ECT2: variants seen among roughly 807,000 people sequenced by gnomAD.
ECT2 encodes epithelial cell transforming 2.
ECT2 carries 61 observed loss-of-function variants against 116.9 expected under a neutral mutation model. The ratio of observed to expected loss-of-function variants is 0.52; its 90% CI spans 0.42 to 0.65. The LOEUF (loss-of-function observed/expected upper bound fraction) is 0.65, where lower values mean the gene tolerates loss of function less well. Among genes scored for constraint, ECT2 ranks in the 30% least tolerant of loss-of-function variants. ECT2 has a pLI of 0.00. For synonymous variants in ECT2, 358 were observed against 346.4 expected, an observed-to-expected ratio of 1.03 and a Z score of -0.37; for missense variants, 937 against 1,078.7, an observed-to-expected ratio of 0.87 and a Z score of 1.84.
At chr3:172,776,661 G>C (rs1416982451) in intron 14 of ECT2, among the ~76,000 whole-genome samples, 2 of 152,134 alleles carry the variant, frequency 1.3e-5, no homozygotes, top group Admixed American at 1.3e-4. Flanking sequence ...TAACTTCAAA[G>C]TCTGTTCTCC....
At chr3:172,807,684 C>A in intron 21 of ECT2, 86 bp from the exon 22 acceptor site, 2 of 1,413,762 alleles carry the variant, frequency 1.4e-6, no homozygotes, top group Non-Finnish European at 1.9e-6. Flanking sequence ...ATTGGAATTT[C>A]ATTGCTCTGA....
chr3:172,828,927 C>T, the ECT2 span: 1 of 1,463,490 alleles, frequency 6.8e-7, no homozygotes, highest in African/African-American at 1.4e-5. Flanking sequence ...ATGCCAGTCC[C>T]TGAACCAGCC....
chr3:172,778,830 T>C (rs1237896786), intron 14 of ECT2, among the ~76,000 whole-genome samples: 1 of 151,972 alleles, frequency 6.6e-6, no homozygotes, highest in Admixed American at 6.6e-5. Flanking sequence ...CTCCTGACCT[T>C]GTGATCTGCC....
chr3:172,776,921 C>T (rs1395498227), intron 14 of ECT2, among the ~76,000 whole-genome samples: 1 of 151,022 alleles, frequency 6.6e-6, no homozygotes, highest in African/African-American at 2.4e-5. Context: ...GTTGCTCAGG[C>T]TGGAGTGCAG....
chr3:172,764,544 T>A (rs1164060895), intron 12 of ECT2, 44 bp downstream of exon 12: 1 of 1,520,614 alleles, frequency 6.6e-7, no homozygotes. Flanking sequence ...TTTAGTGGAA[T>A]GGAATAATTG....
At chr3:172,772,958 C>G (rs891511517) in intron 13 of ECT2, among the ~76,000 whole-genome samples, 4 of 152,150 alleles carry the variant, frequency 2.6e-5, no homozygotes, top group Non-Finnish European at 4.4e-5. Flanking sequence ...TTTTATTGAT[C>G]TATGTATGTT....
intron 20 of ECT2, among the ~76,000 whole-genome samples, chr3:172,804,837 C>T (rs180902547): frequency 1.4e-4 from 21 of 152,090 alleles, no homozygotes; most frequent in African/African-American, 5.1e-4. Flanking sequence ...TATTGGTCTC[C>T]TGTAGCTCCC....
In ECT2 at chr3:172,815,716, G is replaced by A. The variant is rs1176012206; in HGVS notation, c.2508+5G>A. The A allele has an allele frequency of 2.6e-6, 4 of 1,549,022 alleles. No homozygotes were observed. In the African/African-American group the frequency reaches 4.1e-5, roughly 16 times the overall value. On this transcript the variant is annotated splice_donor_5th_base_variant and intron_variant, in intron 23 of 24. Transcript: ENST00000392692. Reference sequence around the variant, plus strand: ...ATAAAAAAGACTTCAAAAAAGGTGAGTTTTAGTGAAAGTATTATTTAGCAC... The same window carrying A: ...ATAAAAAAGACTTCAAAAAAGGTGAATTTTAGTGAAAGTATTATTTAGCAC...
At chr3:172,751,539 C>T (rs968824714) in intron 1 of ECT2, among the ~76,000 whole-genome samples, 2 of 151,730 alleles carry the variant, frequency 1.3e-5, no homozygotes, top group Non-Finnish European at 2.9e-5. Context: ...ACAATGTCTG[C>T]CACGTATTAA....
chr3:172,757,857 C>G (rs545801537), intron 5 of ECT2, among the ~76,000 whole-genome samples: 1 of 151,990 alleles, frequency 6.6e-6, no homozygotes, highest in Non-Finnish European at 1.5e-5. Context: ...TACTGTATAA[C>G]TTAAAATTCA....
chr3:172,828,734 C>G, the ECT2 span: 8 of 528,322 alleles, frequency 1.5e-5, no homozygotes, highest in African/African-American at 3.9e-5. Context: ...TGGAGCCTCA[C>G]GTGGCGAAGA....
rs6805803 is a variant in ECT2 at position 172,783,622 on chromosome 3, A to G, written c.1618-177A>G. On this transcript the variant is annotated intron_variant, in intron 15 of 24. Coordinates refer to ENST00000392692, the MANE Select transcript of ECT2 (RefSeq NM_001258315.2). The stretch of plus-strand genomic sequence containing the variant: ...ACCAATTGATGTATTTTGTTTAGCA[A>G]TTAACTCTTTACTGAGAAATTTATA... Among the ~76,000 whole-genome samples the G allele has an allele frequency of 0.061, 9,356 of 152,188 alleles. 973 individuals are homozygous for G. Among genetic ancestry groups the G allele is most frequent in the African/African-American group, 0.21 (8,890 of 41,512 alleles).
chr3:172,826,294 G>A (rs1200065578), downstream of ECT2, among the ~76,000 whole-genome samples: 1 of 152,176 alleles, frequency 6.6e-6, no homozygotes, highest in Non-Finnish European at 1.5e-5. Context: ...CTGGTAACTT[G>A]AAGCTATGTT....
chr3:172,777,731 G>T (rs28601884), intron 14 of ECT2, among the ~76,000 whole-genome samples: 14,155 of 152,034 alleles, frequency 0.093, 1,217 homozygotes, highest in African/African-American at 0.22. Context: ...AAACCCCATC[G>T]CTACAAAAAA....
At chr3:172,806,274 G>A (rs1577018597) in intron 21 of ECT2, among the ~76,000 whole-genome samples, 2 of 152,176 alleles carry the variant, frequency 1.3e-5, no homozygotes, top group South Asian at 4.1e-4. Context: ...GCATTTTTAG[G>A]GCTATGTTTA....
chr3:172,809,610 C>A (rs984189122), intron 22 of ECT2, among the ~76,000 whole-genome samples: 1 of 150,530 alleles, frequency 6.6e-6, no homozygotes, highest in Non-Finnish European at 1.5e-5. Flanking sequence ...CACACACACA[C>A]GTGAAAGATG....
At position 172,820,722 on chromosome 3, in the gene ECT2, G is replaced by A. The variant is rs955713819; in HGVS notation, c.*485G>A. ...ATTAAATAGTGGGTCTGTTTCACAT[G>A]TGCAGTTTGAAGTATTTAAATAACC... On this transcript the variant is annotated 3_prime_UTR_variant, in exon 25 of 25. Transcript: ENST00000392692. 1 of 151,966 alleles carries A rather than the reference G, an allele frequency of 6.6e-6. No individual in the cohort carries two copies. Among genetic ancestry groups the A allele is most frequent in the Non-Finnish European group, 1.5e-5 (1 of 67,878 alleles). The allele number at this position is 151,966 out of a possible 1,614,324, so 9.4% of individuals were successfully genotyped here.
intron 14 of ECT2, among the ~76,000 whole-genome samples, chr3:172,777,796 G>A (rs1046957721): frequency 1.3e-5 from 2 of 152,188 alleles, no homozygotes; most frequent in African/African-American, 2.4e-5. Context: ...CTCTTCGGGA[G>A]GCTGAGGTGT....
the ECT2 span, chr3:172,829,116 C>A: frequency 1.5e-6 from 1 of 676,296 alleles, no homozygotes; most frequent in Non-Finnish European, 2.8e-6. Context: ...TGGTTAGACA[C>A]CTGGTGCAAC....
Sources: allele counts gnomAD v4.1 joint callset (sites outside exome capture counted in the v4.1 genomes callset), GRCh38; gene constraint gnomAD v4.1.1; transcripts MANE v1.5; gene names NCBI Gene and HGNC (gene_info 2026-07-23, HGNC 2026-07-21).